The following EPB41L1 variants were observed in gnomAD, a reference collection of about 807,000 sequenced individuals.
The protein encoded by EPB41L1 is erythrocyte membrane protein band 4.1 like 1.
A neutral mutation model predicts 97.8 loss-of-function variants in EPB41L1; 29 were observed. The observed-to-expected ratio is 0.30, with a 90% CI of 0.22 to 0.40. The LOEUF is 0.40. Among genes scored for constraint, EPB41L1 ranks in the 10% least tolerant of loss-of-function variants. The pLI, the probability that EPB41L1 is intolerant of heterozygous loss-of-function variation, is 1.00. For synonymous variants in EPB41L1, 383 were observed against 459.2 expected (o/e 0.83, Z 2.12); for missense variants, 812 against 1,162.3 (o/e 0.70, Z 4.38).
At chr20:36,110,480 G>C (rs752604335) in intron 1 of EPB41L1, among the ~76,000 whole-genome samples, 1 of 152,038 alleles carries the variant, frequency 6.6e-6, no homozygotes, top group Non-Finnish European at 1.5e-5. Context: ...TGAGAAAGAG[G>C]CTTTTGTTTC....
chr20:36,183,172 G>A (rs2061539168), intron 6 of EPB41L1, among the ~76,000 whole-genome samples: 1 of 152,162 alleles, frequency 6.6e-6, no homozygotes, highest in Admixed American at 6.5e-5. Flanking sequence ...ATGATATCCT[G>A]GGGCTGTGTC....
At chr20:36,146,094 A>G (rs1217836383) in intron 2 of EPB41L1, among the ~76,000 whole-genome samples, 1 of 151,120 alleles carries the variant, frequency 6.6e-6, no homozygotes, top group Non-Finnish European at 1.5e-5. Flanking sequence ...TCTCCTCTGA[A>G]CTCCCCAACA....
At chr20:36,197,569 G>A (rs1191874976) in intron 13 of EPB41L1, 8 of 932,610 alleles carry the variant, frequency 8.6e-6, no homozygotes, top group Non-Finnish European at 1.0e-5. Flanking sequence ...TTGGGTAGAG[G>A]TTGGCTGTTC....
At chr20:36,101,674 C>G (rs572915763) in intron 1 of EPB41L1, among the ~76,000 whole-genome samples, 1 of 152,184 alleles carries the variant, frequency 6.6e-6, no homozygotes, top group Admixed American at 6.5e-5. Context: ...CTTTGTTTCC[C>G]CCTAAGAGCA....
At chr20:36,185,378 G>A in intron 7 of EPB41L1, 43 bp downstream of exon 7, 2 of 1,570,434 alleles carry the variant, frequency 1.3e-6, no homozygotes, top group Non-Finnish European at 1.7e-6. Flanking sequence ...TCCTTGGCCA[G>A]TGGGAGCCTT....
At position 36,198,000 on chromosome 20, in the gene EPB41L1, G is replaced by GCCTCCC. The variant is rs1175100211; in HGVS notation, c.1636_1641dup (p.Ser546_Pro547dup). 2 of 1,152,162 alleles carry GCCTCCC rather than the reference G, an allele frequency of 1.7e-6. No individual in the cohort carries two copies. Among genetic ancestry groups the GCCTCCC allele is most frequent in the Admixed American group, 1.9e-5 (1 of 53,208 alleles). The allele number at this position is 1,152,162 out of a possible 1,614,324, so 71.4% of individuals were successfully genotyped here. On this transcript the variant is annotated inframe_insertion, in exon 14 of 22. Coordinates refer to ENST00000338074, the MANE Select transcript of EPB41L1 (RefSeq NM_012156.2). ...GGAGCGCAGGCTGCCCTCCTCCCCC[G>GCCTCCC]CCTCCCCCTCCCCCAAGGGCACCCC...
At position 36,127,260 on chromosome 20, in the gene EPB41L1, T is replaced by G. The variant is rs561532894; in HGVS notation, c.-10+14780T>G. Reference sequence around the variant, plus strand: ...TGTCTGGGTCTGGCGGAATACAGTCTGCATCCCCACCCCAGCTGATTGCAG... The same window carrying G: ...TGTCTGGGTCTGGCGGAATACAGTCGGCATCCCCACCCCAGCTGATTGCAG... On this transcript the variant is annotated intron_variant, in intron 2 of 19. Transcript: ENST00000202028. Among the ~76,000 whole-genome samples the G allele has an allele frequency of 5.6e-4, 86 of 152,318 alleles. 2 individuals carry two copies. The South Asian group carries it at 0.014, about 25-fold the overall frequency.
At chr20:36,107,313 C>T (rs1241728409) in intron 1 of EPB41L1, among the ~76,000 whole-genome samples, 5 of 150,578 alleles carry the variant, frequency 3.3e-5, no homozygotes, top group Admixed American at 6.6e-5. Context: ...CTCCGTCTCC[C>T]GGCTTCGAGC....
intron 1 of EPB41L1, among the ~76,000 whole-genome samples, chr20:36,101,602 C>G (rs2058019168): frequency 6.6e-6 from 1 of 152,176 alleles, no homozygotes; most frequent in Non-Finnish European, 1.5e-5. Flanking sequence ...AAAGGGGGAG[C>G]AGCTTAGCAC....
At chr20:36,227,402 G>A (rs2064230360) in intron 21 of EPB41L1, among the ~76,000 whole-genome samples, 1 of 152,206 alleles carries the variant, frequency 6.6e-6, no homozygotes, top group Non-Finnish European at 1.5e-5. Flanking sequence ...TGGTAGCTGT[G>A]TGCCCAGAGG....
chr20:36,164,565 T>C (rs2060660395), intron 1 of EPB41L1, among the ~76,000 whole-genome samples: 1 of 152,242 alleles, frequency 6.6e-6, no homozygotes, highest in African/African-American at 2.4e-5. Context: ...GTGTGTGTTC[T>C]CATGTTGTTT....
At chr20:36,201,024 A>T (rs1406920405) in intron 14 of EPB41L1, 1 of 455,520 alleles carries the variant, frequency 2.2e-6, no homozygotes, top group African/African-American at 2.0e-5. Context: ...CCCACCCAGA[A>T]CCACCCTCTG....
intron 5 of EPB41L1, among the ~76,000 whole-genome samples, chr20:36,181,179 G>A (rs1308651480): frequency 2.6e-5 from 4 of 152,200 alleles, no homozygotes; most frequent in Admixed American, 1.3e-4. Context: ...CCACAGCCCT[G>A]CCATGGATGG....
chr20:36,196,035 C>T (rs1357196430), intron 13 of EPB41L1, among the ~76,000 whole-genome samples: 1 of 152,218 alleles, frequency 6.6e-6, no homozygotes, highest in Non-Finnish European at 1.5e-5. Flanking sequence ...ATTATTCCTT[C>T]CATGTTAACC....
Position 36,207,579 on chromosome 20 carries a change from C to T in EPB41L1, c.1669-1909C>T, listed in dbSNP as rs2062894472. On this transcript the variant is annotated intron_variant, in intron 14 of 21. Coordinates refer to ENST00000338074, the MANE Select transcript of EPB41L1 (RefSeq NM_012156.2). This position sits in a 1 kb window ranked among gnomAD's most constrained non-coding sequence, Gnocchi z 4.9. ...AAGCAGAGCAGCAGCGGAGTACGCT[C>T]TCAGACCTGGGCTTCGCCCAACTCC... The T allele has an allele frequency of 2.3e-6, 3 of 1,289,844 alleles. No homozygotes were observed. The highest frequency in any genetic ancestry group is 1.5e-5 in the African/African-American group (1 of 65,862). 79.9% of individuals were successfully genotyped at this position (1,289,844 alleles called of 1,614,324 possible).
intron 1 of EPB41L1, among the ~76,000 whole-genome samples, chr20:36,161,644 C>A (rs569840310): frequency 6.6e-6 from 1 of 151,964 alleles, no homozygotes; most frequent in South Asian, 2.1e-4. Flanking sequence ...CTGGCTAGTT[C>A]TTGTATTTTT....
intron 21 of EPB41L1, among the ~76,000 whole-genome samples, chr20:36,224,212 A>G (rs1245307154): frequency 6.6e-6 from 1 of 152,218 alleles, no homozygotes; most frequent in East Asian, 1.9e-4. Flanking sequence ...TAGTCTAAAA[A>G]GAAATGTGCT....
At chr20:36,155,668 A>G (rs760930502) in intron 1 of EPB41L1, 38 of 456,004 alleles carry the variant, frequency 8.3e-5, no homozygotes, top group Non-Finnish European at 1.5e-4. Context: ...AGTCTGGACA[A>G]GGACCAAAAG....
At position 36,141,475 on chromosome 20, in the gene EPB41L1, C is replaced by T. The variant is rs183014553; in HGVS notation, c.-10+28995C>T. Among the ~76,000 whole-genome samples the T allele has an allele frequency of 8.6e-4, 131 of 152,136 alleles. 1 individual carries two copies. The highest frequency in any genetic ancestry group is 3.1e-3 in the African/African-American group (127 of 41,502). On this transcript the variant is annotated intron_variant, in intron 2 of 19. Transcript: ENST00000202028. The stretch of plus-strand genomic sequence containing the variant: ...GACTGTGGGAATTGGCTAGATGGGC[C>T]CCATTAGTGAAACTCCAGGGAACAA...
Sources: allele counts gnomAD v4.1 joint callset (sites outside exome capture counted in the v4.1 genomes callset), GRCh38; gene constraint gnomAD v4.1.1; non-coding constraint Gnocchi (gnomAD v3.1); transcripts MANE v1.5; gene names NCBI Gene and HGNC (gene_info 2026-07-23, HGNC 2026-07-21).